The following IDE variants were observed in gnomAD, a reference collection of about 807,000 sequenced individuals.
IDE encodes insulin degrading enzyme, also known as insulin-degrading enzyme.
In IDE, 58 loss-of-function variants were observed where a neutral mutation model predicts 133.2. That is an observed-to-expected ratio of 0.44 (90% CI 0.35 to 0.54). IDE has a LOEUF of 0.54. Ranked by LOEUF, IDE falls within the 20% of genes least tolerant of loss-of-function variation. The pLI, the probability that IDE is intolerant of heterozygous loss-of-function variation, is 0.00. For missense variants in IDE, 981 were observed against 1,234.0 expected (o/e 0.79, Z 3.07); for synonymous variants, 396 against 421.3 (o/e 0.94, Z 0.73).
Position 92,456,284 on chromosome 10 carries a change from A to C in IDE, c.2896+75T>G. ...CTCTTTTACTTTCTGGTGTTCTATA[A>C]GGCATGTAGCTATGACAAAGGCCAA... On this transcript the variant is annotated intron_variant, in intron 23 of 24. Coordinates refer to ENST00000265986, the MANE Select transcript of IDE (RefSeq NM_004969.4). The C allele has an allele frequency of 3.1e-6, 3 of 961,836 alleles. No individual in the cohort carries two copies. The East Asian group carries it at 7.2e-5, about 23-fold the overall frequency. The allele number at this position is 961,836 out of a possible 1,614,324, so 59.6% of individuals were successfully genotyped here. A position where few individuals can be genotyped will look rare whatever the true frequency, so the allele number is the denominator to read the frequency against.
chr10:92,497,995 G>A (rs941193559), intron 11 of IDE, among the ~76,000 whole-genome samples: 1 of 152,136 alleles, frequency 6.6e-6, no homozygotes, highest in Admixed American at 6.6e-5. Context: ...AAATGAAAAA[G>A]CACATCCTTA....
At chr10:92,561,050 C>T (rs1253916517) in intron 1 of IDE, among the ~76,000 whole-genome samples, 6 of 151,964 alleles carry the variant, frequency 3.9e-5, no homozygotes, top group East Asian at 1.9e-4. Flanking sequence ...GTCAGGAGTT[C>T]GAGACCAGCT....
intron 12 of IDE, 64 bp downstream of exon 12, chr10:92,490,429 C>A: frequency 9.9e-7 from 1 of 1,007,334 alleles, no homozygotes; most frequent in Non-Finnish European, 1.6e-6. Flanking sequence ...GTTGGTGGAT[C>A]TAGGGAGCAA....
chr10:92,458,593 C>T (rs566425172), intron 22 of IDE, among the ~76,000 whole-genome samples: 1 of 143,912 alleles, frequency 6.9e-6, no homozygotes, highest in East Asian at 2.0e-4. Flanking sequence ...CCTCCACCTT[C>T]TGGGTTCAAG....
At chr10:92,530,305 T>G (rs1297327364) in intron 4 of IDE, among the ~76,000 whole-genome samples, 1 of 146,714 alleles carries the variant, frequency 6.8e-6, no homozygotes, top group African/African-American at 2.5e-5. Flanking sequence ...AAAGTTGTTG[T>G]TTTTTTTTTG....
chr10:92,553,382 C>T (rs527881621), intron 1 of IDE, among the ~76,000 whole-genome samples: 3 of 151,574 alleles, frequency 2.0e-5, no homozygotes, highest in East Asian at 1.9e-4. Flanking sequence ...CAAGACTATG[C>T]CACTGCACTC....
intron 12 of IDE, among the ~76,000 whole-genome samples, chr10:92,489,111 T>C (rs921323908): frequency 3.9e-5 from 6 of 152,166 alleles, no homozygotes; most frequent in Non-Finnish European, 5.9e-5. Flanking sequence ...TTACGGTTCT[T>C]AGTTCCTGCA....
intron 1 of IDE, among the ~76,000 whole-genome samples, chr10:92,561,015 G>A (rs1843255400): frequency 6.6e-6 from 1 of 152,110 alleles, no homozygotes. Flanking sequence ...AACTTTGGGA[G>A]GCCAAGGTGG....
chr10:92,572,813 C>T lies in IDE; in HGVS notation c.98+1109G>A, dbSNP rs866316950. On this transcript the variant is annotated intron_variant, in intron 1 of 24. Transcript: ENST00000265986. ...TGGATTACGCCCACGCCAGCCCTCA[C>T]TCCAACCTTTCTGCCATTCCTTCCA... The T allele has an allele frequency of 3.4e-5, 30 of 888,162 alleles. No individual in the cohort carries two copies. In the African/African-American group the frequency reaches 4.0e-4, roughly 12 times the overall value. The allele number at this position is 888,162 out of a possible 1,614,324, so 55.0% of individuals were successfully genotyped here. A position where few individuals can be genotyped will look rare whatever the true frequency, so the allele number is the denominator to read the frequency against.
At chr10:92,524,322 ATATTATTAT>A in intron 4 of IDE, among the ~76,000 whole-genome samples, 1 of 78,148 alleles carries the variant, frequency 1.3e-5, no homozygotes, top group Admixed American at 2.5e-4. Flanking sequence ...TATATATAAT[ATATTATTAT>A]ATATATTATA....
chr10:92,455,429 T>G, intron 24 of IDE, 147 bp downstream of exon 24: 1 of 602,258 alleles, frequency 1.7e-6, no homozygotes, highest in Non-Finnish European at 3.0e-6. Flanking sequence ...TGAGCTGAGC[T>G]GAGATCGCAC....
intron 1 of IDE, among the ~76,000 whole-genome samples, chr10:92,569,742 T>A (rs980324825): frequency 2.0e-5 from 3 of 152,186 alleles, no homozygotes; most frequent in African/African-American, 7.2e-5. Context: ...ATGCAGTAAA[T>A]ATGTACTGAG....
Position 92,504,914 on chromosome 10 carries a change from TATAA to T in IDE, c.1327-21_1327-18del. ...GGGATAATACTTTTAAAAAGGAAAA[TATAA>T]ATAAATAAAATATACAAAGCTACTA... On this transcript the variant is annotated intron_variant, in intron 10 of 24. Coordinates refer to ENST00000265986, the MANE Select transcript of IDE (RefSeq NM_004969.4). 8.7e-7 allele frequency: 1 copy of T among 1,146,630 alleles called. No individual in the cohort carries two copies. The highest frequency in any genetic ancestry group is 1.3e-6 in the Non-Finnish European group (1 of 793,662). 71.0% of individuals were successfully genotyped at this position (1,146,630 alleles called of 1,614,324 possible). A position where few individuals can be genotyped will look rare whatever the true frequency, so the allele number is the denominator to read the frequency against.
chr10:92,459,133 G>A (rs1845215467), intron 22 of IDE, among the ~76,000 whole-genome samples: 1 of 152,148 alleles, frequency 6.6e-6, no homozygotes, highest in South Asian at 2.1e-4. Flanking sequence ...GGTGATATCA[G>A]CTATATTAAT....
At chr10:92,475,045 C>A in intron 16 of IDE, 84 bp from the exon 17 acceptor site, 1 of 1,024,482 alleles carries the variant, frequency 9.8e-7, no homozygotes, top group Non-Finnish European at 1.4e-6. Flanking sequence ...AATTTCAATT[C>A]TCTATAAACT....
intron 17 of IDE, 40 bp from the exon 18 acceptor site, chr10:92,470,385 A>G (rs1845903431): frequency 7.4e-7 from 1 of 1,350,680 alleles, no homozygotes; most frequent in Admixed American, 2.2e-5. Context: ...GCTACCTATG[A>G]GGGATTTTTT....
At chr10:92,467,328 C>T (rs1564597143) in intron 19 of IDE, among the ~76,000 whole-genome samples, 2 of 152,188 alleles carry the variant, frequency 1.3e-5, no homozygotes, top group Admixed American at 1.3e-4. Flanking sequence ...TTACCTTGGC[C>T]TCCCAAAGTG....
chr10:92,573,044 C>T, intron 1 of IDE: 2 of 985,382 alleles, frequency 2.0e-6, no homozygotes, highest in Non-Finnish European at 2.4e-6. Flanking sequence ...CTGGCTATTA[C>T]TGATTAAAAC....
Position 92,501,597 on chromosome 10 carries a change from G to A in IDE, c.1430+3197C>T, listed in dbSNP as rs1014679960. Reference sequence around the variant, plus strand: ...AGGCAGGAGAATAGCTTGATCCTGGGATGTGGAGGTTGCAGTGAGCCGAGA... The same window carrying A: ...AGGCAGGAGAATAGCTTGATCCTGGAATGTGGAGGTTGCAGTGAGCCGAGA... On this transcript the variant is annotated intron_variant, in intron 11 of 24. Coordinates refer to ENST00000265986, the MANE Select transcript of IDE (RefSeq NM_004969.4). Among the ~76,000 whole-genome samples the A allele has an allele frequency of 2.0e-5, 3 of 151,804 alleles. No individual in the cohort carries two copies. The South Asian group carries it at 6.2e-4, about 32-fold the overall frequency.
Sources: allele counts gnomAD v4.1 joint callset (sites outside exome capture counted in the v4.1 genomes callset), GRCh38; gene constraint gnomAD v4.1.1; transcripts MANE v1.5; gene names NCBI Gene and HGNC (gene_info 2026-07-23, HGNC 2026-07-21).